The following CDKL5 variants were observed in gnomAD, a reference collection of about 807,000 sequenced individuals.
CDKL5 encodes cyclin-dependent kinase-like 5.
CDKL5 carries 8 observed loss-of-function variants against 61.7 expected under a neutral mutation model. The ratio of observed to expected loss-of-function variants is 0.13; its 90% confidence interval spans 0.08 to 0.23. The LOEUF (loss-of-function observed/expected upper bound fraction) is 0.23. CDKL5 is among the 10% of genes least tolerant of loss of function. The pLI is 1.00. For missense variants in CDKL5, 440 were observed against 734.5 expected (o/e 0.60, Z 4.63); for synonymous variants, 275 against 272.3 (o/e 1.01, Z -0.10).
At chrX:18,432,099 C>CTTTTTTTTT (rs139849633) in intron 1 of CDKL5, among the ~76,000 whole-genome samples, 2 of 90,266 alleles carry the variant, frequency 2.2e-5, no homozygotes, top group African/African-American at 4.0e-5. Context: ...TTCTTTCTTT[C>CTTTTTTTTT]TTTTTTTTTT....
At chrX:18,470,335 CAAAAAAAAAAAGAAGAAAAGAAAA>C (rs1921040613) in intron 1 of CDKL5, among the ~76,000 whole-genome samples, 1 of 24,909 alleles carries the variant, frequency 4.0e-5, no homozygotes, top group Non-Finnish European at 8.0e-5. Context: ...GACTCCGTCT[CAAAAAAAAAAAGAAGAAAAGAAAA>C]AAAAAAAAAA....
intron 11 of CDKL5, among the ~76,000 whole-genome samples, chrX:18,602,183 G>C (rs1185984089): frequency 8.9e-6 from 1 of 112,134 alleles, no homozygotes; most frequent in Non-Finnish European, 1.9e-5. Context: ...TGCAGCATTG[G>C]GTTCCTGAGG....
intron 3 of CDKL5, among the ~76,000 whole-genome samples, chrX:18,518,385 C>CTTATTTTTT (rs1923109511): frequency 8.3e-4 from 19 of 22,794 alleles, no homozygotes; most frequent in Non-Finnish European, 1.3e-3. Flanking sequence ...CTTTTCTTTT[C>CTTATTTTTT]TTATTTTTTT....
chrX:18,560,374 C>T (rs1469916600), intron 3 of CDKL5, among the ~76,000 whole-genome samples: 1 of 111,693 alleles, frequency 9.0e-6, no homozygotes, highest in Non-Finnish European at 1.9e-5. Context: ...GCTTAGTCTC[C>T]CAAAAGAAAG....
At chrX:18,440,785 G>T (rs774809354) in intron 1 of CDKL5, among the ~76,000 whole-genome samples, 62 of 111,517 alleles carry the variant, frequency 5.6e-4, no homozygotes, top group Non-Finnish European at 9.8e-4. Flanking sequence ...TAGGCCGTTA[G>T]TGCTGGTATT....
chrX:18,551,818 C>G (rs1602255985), intron 3 of CDKL5, among the ~76,000 whole-genome samples: 1 of 107,050 alleles, frequency 9.3e-6, no homozygotes, highest in African/African-American at 3.4e-5. Context: ...GTATTGAACT[C>G]CTGGGCTCAA....
Position 18,629,958 on chromosome X carries a change from A to C in CDKL5, c.*1201A>C. 4.0e-6 allele frequency: 3 copies of C among 753,674 alleles called. No individual in the cohort carries two copies. The highest frequency in any genetic ancestry group is 4.7e-6 in the Non-Finnish European group (3 of 638,974). The allele number at this position is 753,674 out of a possible 1,213,427, so 62.1% of individuals were successfully genotyped here. A position where few individuals can be genotyped will look rare whatever the true frequency, so the allele number is the denominator to read the frequency against. ...GAGGTACCTGTCTGCAGATCTTGCAAACCATCTCTATGCTCCTGAATATTG... is the reference window on the plus strand; with the variant it reads ...GAGGTACCTGTCTGCAGATCTTGCACACCATCTCTATGCTCCTGAATATTG... On this transcript the variant is annotated 3_prime_UTR_variant, in exon 18 of 18. Transcript: ENST00000623535.
At chrX:18,555,157 G>A (rs1278441057) in intron 3 of CDKL5, among the ~76,000 whole-genome samples, 2 of 110,517 alleles carry the variant, frequency 1.8e-5, no homozygotes, top group African/African-American at 6.6e-5. Flanking sequence ...GGACTGTCCC[G>A]TGCATTGTAG....
At chrX:18,532,699 C>T (rs921766107) in intron 3 of CDKL5, among the ~76,000 whole-genome samples, 2 of 111,151 alleles carry the variant, frequency 1.8e-5, no homozygotes, top group East Asian at 2.8e-4. Context: ...TTTAAGCAAC[C>T]GAGAAAGTAG....
At chrX:18,448,218 A>G (rs1431183719) in intron 1 of CDKL5, among the ~76,000 whole-genome samples, 2 of 112,414 alleles carry the variant, frequency 1.8e-5, no homozygotes, top group African/African-American at 6.5e-5. Flanking sequence ...CCCAAGACAG[A>G]TAGTGGGGTC....
At chrX:18,586,072 G>C (rs1925634756) in intron 8 of CDKL5, among the ~76,000 whole-genome samples, 2 of 111,226 alleles carry the variant, frequency 1.8e-5, no homozygotes, top group Non-Finnish European at 3.8e-5. Flanking sequence ...ATTGACATTA[G>C]TTTTTGAAAG....
In CDKL5 at chrX:18,616,784, ACTCT is replaced by A. The variant is rs1166952841; in HGVS notation, c.2277-3078_2277-3075del. On this transcript the variant is annotated intron_variant, in intron 15 of 17. Coordinates refer to ENST00000623535, the MANE Select transcript of CDKL5 (RefSeq NM_001323289.2). ...GTTACTCCCGTAGAATTATTCACTG[ACTCT>A]CTCTTCTCACACATTAGCTAACCAC... 7.2e-5 allele frequency among the ~76,000 whole-genome samples: 8 copies of A among 111,186 alleles called. No individual in the cohort carries two copies. The South Asian group carries it at 1.5e-3, about 21-fold the overall frequency.
intron 3 of CDKL5, among the ~76,000 whole-genome samples, chrX:18,550,584 T>C (rs1924351414): frequency 8.9e-6 from 1 of 112,133 alleles, no homozygotes; most frequent in Non-Finnish European, 1.9e-5. Flanking sequence ...AAGATAGTCT[T>C]TGAGGATATA....
chrX:18,548,132 A>G (rs1427223930), intron 3 of CDKL5, among the ~76,000 whole-genome samples: 1 of 107,780 alleles, frequency 9.3e-6, no homozygotes, highest in Non-Finnish European at 1.9e-5. Context: ...TGAGCTAGAA[A>G]GTTTTTTTTT....
In CDKL5 at chrX:18,619,935, C is replaced by CAATGAA; in HGVS notation, c.2348_2353dup (p.Met783_Lys784dup). ...AAAGAGAAGCAAGGATTTTTCAGGT[C>CAATGAA]AATGAAAAAGAAAAAGAAGAAATCT... On this transcript the variant is annotated inframe_insertion, in exon 16 of 18. Coordinates refer to ENST00000623535, the MANE Select transcript of CDKL5 (RefSeq NM_001323289.2). The CAATGAA allele has an allele frequency of 8.4e-7, 1 of 1,191,378 alleles. No homozygotes were observed. Among genetic ancestry groups the CAATGAA allele is most frequent in the Non-Finnish European group, 1.1e-6 (1 of 878,688 alleles).
chrX:18,559,442 C>T (rs966838994), intron 3 of CDKL5, among the ~76,000 whole-genome samples: 1 of 109,708 alleles, frequency 9.1e-6, no homozygotes, highest in Non-Finnish European at 1.9e-5. Context: ...CTCATGACCT[C>T]GTGATCCGCC....
At chrX:18,443,665 C>A (rs1386181378) in intron 1 of CDKL5, among the ~76,000 whole-genome samples, 1 of 111,479 alleles carries the variant, frequency 9.0e-6, no homozygotes, top group Non-Finnish European at 1.9e-5. Context: ...TATTTCATCA[C>A]CCAGGTATTA....
chrX:18,515,948 C>A (rs897966381), intron 3 of CDKL5, among the ~76,000 whole-genome samples: 3 of 110,479 alleles, frequency 2.7e-5, no homozygotes, highest in Non-Finnish European at 3.8e-5. Flanking sequence ...CTTCTCTTCT[C>A]TTCTCTTTTC....
At chrX:18,558,812 C>T (rs1201384878) in intron 3 of CDKL5, among the ~76,000 whole-genome samples, 1 of 112,243 alleles carries the variant, frequency 8.9e-6, no homozygotes, top group Non-Finnish European at 1.9e-5. Flanking sequence ...TCTGCATTTC[C>T]AGATCTTTGC....
Sources: allele counts gnomAD v4.1 joint callset (sites outside exome capture counted in the v4.1 genomes callset), GRCh38; gene constraint gnomAD v4.1.1; transcripts MANE v1.5; gene names NCBI Gene and HGNC (gene_info 2026-07-23, HGNC 2026-07-21).